CCSER1: variants seen among roughly 807,000 people sequenced by gnomAD.
CCSER1 encodes serine-rich coiled-coil domain-containing protein 1.
CCSER1 carries 41 observed loss-of-function variants against 82.0 expected under a neutral mutation model. The observed-to-expected ratio is 0.50, with a 90% CI of 0.39 to 0.65. The LOEUF (loss-of-function observed/expected upper bound fraction) is 0.65. Ranked by LOEUF, CCSER1 falls within the 30% of genes least tolerant of loss-of-function variation. CCSER1 has a pLI of 0.00. For synonymous variants in CCSER1, 414 were observed against 383.9 expected, an observed-to-expected ratio of 1.08 and a Z score of -0.92; for missense variants, 1,119 against 1,064.2, an observed-to-expected ratio of 1.05 and a Z score of -0.72.
At chr4:90,523,418 C>G (rs1042998985) in intron 5 of CCSER1, among the ~76,000 whole-genome samples, 1 of 152,060 alleles carries the variant, frequency 6.6e-6, no homozygotes, top group African/African-American at 2.4e-5. Context: ...CTGGTACCAG[C>G]CTTTATTCCA....
chr4:90,997,204 T>C (rs983302095), intron 9 of CCSER1, among the ~76,000 whole-genome samples: 1 of 152,126 alleles, frequency 6.6e-6, no homozygotes, highest in African/African-American at 2.4e-5. Flanking sequence ...GTCGGCTTCC[T>C]AGTTTTTTCC....
At chr4:90,855,065 TCAC>T (rs930393674) in intron 8 of CCSER1, among the ~76,000 whole-genome samples, 1 of 152,008 alleles carries the variant, frequency 6.6e-6, no homozygotes, top group African/African-American at 2.4e-5. Context: ...GAGAACTCAC[TCAC>T]GAGAACAGCA....
chr4:90,309,150 A>G lies in CCSER1; in HGVS notation c.866A>G (p.His289Arg), dbSNP rs762029023. 11 of 1,613,864 alleles carry G rather than the reference A, an allele frequency of 6.8e-6. No homozygotes were observed. The highest frequency in any genetic ancestry group is 9.3e-6 in the Non-Finnish European group (11 of 1,179,862). The stretch of plus-strand genomic sequence containing the variant: ...GCATCCCACTGTGACAACTTTGGCC[A>G]CAATGATTCTACCTCTCAGATGTCC... Reference protein sequence around the residue: ...SMASHCDNFGHNDSTSQMSLN... With the variant: ...SMASHCDNFGRNDSTSQMSLN... The change falls in exon 2 of 11, where the codon CAC becomes CGC. Residue 289 changes from histidine (H) to arginine (R), a missense_variant. Transcript: ENST00000509176.
intron 10 of CCSER1, among the ~76,000 whole-genome samples, chr4:91,532,724 T>C (rs1761096974): frequency 6.6e-6 from 1 of 151,924 alleles, no homozygotes; most frequent in African/African-American, 2.4e-5. Flanking sequence ...GAAAATTAGA[T>C]GGGTGTGGTG....
At chr4:91,127,435 AC>A in intron 10 of CCSER1, among the ~76,000 whole-genome samples, 1 of 152,054 alleles carries the variant, frequency 6.6e-6, no homozygotes, top group South Asian at 2.1e-4. Context: ...CAGAAAGGCC[AC>A]AAGCTTAAGT....
chr4:90,956,034 A>T (rs1184838347), intron 9 of CCSER1, among the ~76,000 whole-genome samples: 1 of 152,154 alleles, frequency 6.6e-6, no homozygotes, highest in African/African-American at 2.4e-5. Context: ...TCTCTGGGCC[A>T]AGAATCTCTC....
intron 5 of CCSER1, among the ~76,000 whole-genome samples, chr4:90,592,207 A>G (rs920654643): frequency 1.3e-4 from 20 of 152,172 alleles, no homozygotes; most frequent in Non-Finnish European, 2.1e-4. Flanking sequence ...AGATAAAACT[A>G]TATATAAAAA....
chr4:90,751,937 A>G (rs1405491061), intron 7 of CCSER1, among the ~76,000 whole-genome samples: 1 of 152,116 alleles, frequency 6.6e-6, no homozygotes, highest in Non-Finnish European at 1.5e-5. Context: ...ATATTTAGGT[A>G]TAATTTTAGA....
At chr4:90,411,597 A>C (rs1754818626) in intron 4 of CCSER1, among the ~76,000 whole-genome samples, 1 of 152,194 alleles carries the variant, frequency 6.6e-6, no homozygotes, top group Admixed American at 6.5e-5. Context: ...AAACTCAATA[A>C]ATTAGGTATT....
At chr4:90,904,627 G>T (rs1725173870) in intron 8 of CCSER1, among the ~76,000 whole-genome samples, 1 of 152,094 alleles carries the variant, frequency 6.6e-6, no homozygotes, top group African/African-American at 2.4e-5. Flanking sequence ...GGAAGGTAAA[G>T]TTCCCGGGAA....
chr4:90,681,886 C>T (rs9761411), intron 6 of CCSER1, among the ~76,000 whole-genome samples: 69,744 of 151,678 alleles, frequency 0.46, 16,416 homozygotes, highest in Middle Eastern at 0.58. Context: ...GTGTTTACCA[C>T]CTTGGGAAAT....
chr4:91,534,305 A>G (rs980193221), intron 10 of CCSER1, among the ~76,000 whole-genome samples: 2 of 151,968 alleles, frequency 1.3e-5, no homozygotes, highest in African/African-American at 4.8e-5. Context: ...TGCTAATTAA[A>G]TTCTTTCCGC....
chr4:91,404,902 C>G (rs966068731), intron 10 of CCSER1, among the ~76,000 whole-genome samples: 1 of 152,190 alleles, frequency 6.6e-6, no homozygotes, highest in East Asian at 1.9e-4. Context: ...CTGTAGATGT[C>G]TATTAGGTCC....
intron 5 of CCSER1, among the ~76,000 whole-genome samples, chr4:90,505,025 G>C (rs1344294216): frequency 6.6e-6 from 1 of 152,140 alleles, no homozygotes; most frequent in African/African-American, 2.4e-5. Context: ...ACATGATTTT[G>C]GCATTGCAAG....
rs150114545 is a variant in CCSER1 at position 90,874,880 on chromosome 4, C to T, written c.2095-48490C>T. Among the ~76,000 whole-genome samples, 73 of 151,936 alleles carry T rather than the reference C, an allele frequency of 4.8e-4. No homozygotes were observed. In the East Asian group the frequency reaches 0.012, roughly 25 times the overall value. On this transcript the variant is annotated intron_variant, in intron 8 of 10. Coordinates refer to ENST00000509176, the MANE Select transcript of CCSER1 (RefSeq NM_001145065.2). ...GGCCAACATGGTGAAACCCCGTCTC[C>T]ACTAAAAATACAAAAATTAGCTGGG...
chr4:91,306,964 T>C (rs896510701), intron 10 of CCSER1, among the ~76,000 whole-genome samples: 3 of 152,044 alleles, frequency 2.0e-5, no homozygotes, highest in Non-Finnish European at 2.9e-5. Context: ...AACATTCAGA[T>C]AATTTGTAAT....
At chr4:90,544,541 G>T (rs1050401196) in intron 5 of CCSER1, among the ~76,000 whole-genome samples, 3 of 152,066 alleles carry the variant, frequency 2.0e-5, no homozygotes, top group Non-Finnish European at 4.4e-5. Context: ...AACCCCAGAA[G>T]CTCATCAAAG....
At chr4:91,188,550 T>C (rs938752767) in intron 10 of CCSER1, among the ~76,000 whole-genome samples, 1 of 152,204 alleles carries the variant, frequency 6.6e-6, no homozygotes, top group Admixed American at 6.5e-5. Flanking sequence ...TAAATTGTTA[T>C]TATTGTGCTT....
In CCSER1 at chr4:91,297,385, A is replaced by ATGTGTGTG. The variant is rs57164334; in HGVS notation, c.2217+211423_2217+211430dup. Among the ~76,000 whole-genome samples the ATGTGTGTG allele has an allele frequency of 7.4e-3, 877 of 118,030 alleles. 6 individuals carry two copies. Among genetic ancestry groups the ATGTGTGTG allele is most frequent in the Middle Eastern group, 0.018 (4 of 220 alleles). The allele number at this position is 118,030 out of a possible 152,430, so 77.4% of individuals were successfully genotyped here. On this transcript the variant is annotated intron_variant, in intron 10 of 10. Coordinates refer to ENST00000509176, the MANE Select transcript of CCSER1 (RefSeq NM_001145065.2). ...GATGCTTGTGTGTGTGTGTGTGTGT[A>ATGTGTGTG]TGTGTGTGTGTGTGTGTGTGTGTGT... is the stretch of plus-strand genomic sequence containing the variant.
Sources: gnomAD v4.1 joint callset for allele counts (sites outside exome capture counted in the v4.1 genomes callset) on GRCh38, gnomAD v4.1.1 for gene constraint, MANE v1.5 for transcripts, NCBI Gene and HGNC (gene_info 2026-07-23, HGNC 2026-07-21) for gene names.